ESRRG: variants seen among roughly 807,000 people sequenced by gnomAD.
ESRRG encodes estrogen-related receptor gamma.
In ESRRG, 13 loss-of-function variants were observed where a neutral mutation model predicts 44.0. That is an observed-to-expected ratio of 0.30 (90% CI 0.19 to 0.47). The LOEUF is 0.47. ESRRG is among the 20% of genes least tolerant of loss of function. ESRRG has a pLI of 1.00. For synonymous variants in ESRRG, 215 were observed against 214.6 expected (o/e 1.00, Z -0.02); for missense variants, 395 against 580.6 (o/e 0.68, Z 3.29).
At chr1:216,972,301 G>C (rs1186875947) in intron 1 of ESRRG, among the ~76,000 whole-genome samples, 1 of 152,080 alleles carries the variant, frequency 6.6e-6, no homozygotes, top group Admixed American at 6.6e-5. Flanking sequence ...GGCTAATTAG[G>C]CTTGCTCCTA....
chr1:216,629,650 T>G (rs971014634), intron 3 of ESRRG, among the ~76,000 whole-genome samples: 4 of 152,114 alleles, frequency 2.6e-5, no homozygotes, highest in African/African-American at 9.7e-5. Context: ...CTCTTGTGGG[T>G]TCCTGAAGTG....
chr1:216,959,984 T>C (rs2068712006), intron 1 of ESRRG, among the ~76,000 whole-genome samples: 1 of 152,160 alleles, frequency 6.6e-6, no homozygotes, highest in Non-Finnish European at 1.5e-5. Flanking sequence ...TTAGGGTGTT[T>C]AAGTAACTTG....
chr1:216,673,721 T>C (rs1481355548), intron 2 of ESRRG, among the ~76,000 whole-genome samples: 1 of 152,218 alleles, frequency 6.6e-6, no homozygotes, highest in East Asian at 1.9e-4. Flanking sequence ...TTTTGAGACA[T>C]GTATTAGGAA....
chr1:217,033,051 T>A (rs188782238), intron 1 of ESRRG, among the ~76,000 whole-genome samples: 50 of 152,302 alleles, frequency 3.3e-4, no homozygotes, highest in African/African-American at 1.1e-3. Flanking sequence ...GCACCTATAA[T>A]CCTTTATTTA....
intron 1 of ESRRG, among the ~76,000 whole-genome samples, chr1:216,686,895 CACTGGCTTGTAAG>C (rs1232766715): frequency 5.3e-5 from 8 of 152,168 alleles, no homozygotes; most frequent in Non-Finnish European, 1.2e-4. Context: ...ATAAAAAACA[CACTGGCTTGTAAG>C]TCTGGTTAGA....
intron 1 of ESRRG, among the ~76,000 whole-genome samples, chr1:217,113,234 C>T (rs1340340832): frequency 1.3e-5 from 2 of 152,092 alleles, no homozygotes; most frequent in Non-Finnish European, 2.9e-5. Flanking sequence ...ATATATGAGA[C>T]AGTAGAGACA....
At chr1:216,812,777 T>C (rs1225553029) in intron 2 of ESRRG, among the ~76,000 whole-genome samples, 1 of 152,180 alleles carries the variant, frequency 6.6e-6, no homozygotes, top group Non-Finnish European at 1.5e-5. Flanking sequence ...TCCTTACTGA[T>C]GGTATAGTAC....
intron 1 of ESRRG, among the ~76,000 whole-genome samples, chr1:217,110,636 G>C (rs1229710699): frequency 6.6e-6 from 1 of 152,102 alleles, no homozygotes; most frequent in African/African-American, 2.4e-5. Context: ...GAACAGGCAA[G>C]AGAGAATGGA....
chr1:216,625,968 CTGTT>C (rs2150571283), intron 3 of ESRRG, among the ~76,000 whole-genome samples: 1 of 152,252 alleles, frequency 6.6e-6, no homozygotes, highest in East Asian at 1.9e-4. Context: ...CTCCCTCTGT[CTGTT>C]TTTCTTCCCC....
intron 2 of ESRRG, among the ~76,000 whole-genome samples, chr1:216,833,787 T>C (rs1259937529): frequency 1.3e-5 from 2 of 152,198 alleles, no homozygotes; most frequent in Non-Finnish European, 2.9e-5. Flanking sequence ...GGGGAAAATC[T>C]GCCAGCATTG....
intron 3 of ESRRG, among the ~76,000 whole-genome samples, chr1:216,597,666 C>T (rs2058637254): frequency 6.6e-6 from 1 of 152,130 alleles, no homozygotes; most frequent in African/African-American, 2.4e-5. Context: ...GCAGAAAGTT[C>T]TATTTGACAG....
At chr1:216,940,430 C>T (rs1488119244) in intron 1 of ESRRG, among the ~76,000 whole-genome samples, 1 of 152,128 alleles carries the variant, frequency 6.6e-6, no homozygotes, top group Non-Finnish European at 1.5e-5. Context: ...AAAGCAATCC[C>T]TTGGATATCC....
chr1:216,734,733 A>G (rs985369219), intron 2 of ESRRG, among the ~76,000 whole-genome samples: 1 of 152,122 alleles, frequency 6.6e-6, no homozygotes, highest in Non-Finnish European at 1.5e-5. Context: ...TTTTTTAAAA[A>G]TGAGTTTCAA....
chr1:216,909,758 G>A (rs565765497), intron 2 of ESRRG, among the ~76,000 whole-genome samples: 9 of 152,268 alleles, frequency 5.9e-5, no homozygotes, highest in African/African-American at 1.7e-4. Context: ...TATTAGGCAC[G>A]TAGTAAATGT....
chr1:216,807,454 T>C (rs912498065), intron 2 of ESRRG, among the ~76,000 whole-genome samples: 1 of 152,204 alleles, frequency 6.6e-6, no homozygotes, highest in Non-Finnish European at 1.5e-5. Flanking sequence ...TTCTAACTTG[T>C]TTCCATCTTT....
chr1:216,618,344 CATT>C (rs2061702705), intron 3 of ESRRG, among the ~76,000 whole-genome samples: 1 of 152,178 alleles, frequency 6.6e-6, no homozygotes, highest in African/African-American at 2.4e-5. Context: ...ACATTATAAA[CATT>C]ATACAAGATC....
intron 2 of ESRRG, among the ~76,000 whole-genome samples, chr1:216,818,463 T>C (rs1256116131): frequency 6.6e-6 from 1 of 152,192 alleles, no homozygotes; most frequent in East Asian, 1.9e-4. Flanking sequence ...CTTGACACTC[T>C]AGGAAAAAGA....
chr1:217,044,711 T>C (rs937680544), intron 1 of ESRRG, among the ~76,000 whole-genome samples: 2 of 152,220 alleles, frequency 1.3e-5, no homozygotes, highest in African/African-American at 2.4e-5. Context: ...AAACCAGCTC[T>C]GCAGGAAAAT....
intron 3 of ESRRG, among the ~76,000 whole-genome samples, chr1:216,631,569 A>C (rs866419224): frequency 6.6e-6 from 1 of 152,148 alleles, no homozygotes; most frequent in East Asian, 1.9e-4. Flanking sequence ...GTCCCTCTCC[A>C]ATGTAGACCA....
Sources: gnomAD v4.1 joint callset for allele counts (sites outside exome capture counted in the v4.1 genomes callset) on GRCh38, gnomAD v4.1.1 for gene constraint, MANE v1.5 for transcripts, NCBI Gene and HGNC (gene_info 2026-07-23, HGNC 2026-07-21) for gene names.